AXIN1: variants seen among roughly 807,000 people sequenced by gnomAD.
AXIN1 encodes axin 1, also known as axin-1.
AXIN1 carries 30 observed loss-of-function variants against 76.4 expected under a neutral mutation model. The observed-to-expected ratio is 0.39, with a 90% CI of 0.29 to 0.53. The LOEUF (loss-of-function observed/expected upper bound fraction) is 0.53. Ranked by LOEUF, AXIN1 falls within the 20% of genes least tolerant of loss-of-function variation. The probability of loss-of-function intolerance (pLI) is 0.66; values close to 1 mark genes in which losing one functional copy is unlikely to be tolerated. For missense variants in AXIN1, 1,140 were observed against 1,198.8 expected (o/e 0.95, Z 0.72); for synonymous variants, 545 against 501.4 (o/e 1.09, Z -1.16).
chr16:289,706 C>G, intron 9 of AXIN1, 99 bp from the exon 10 acceptor site: 1 of 1,498,398 alleles, frequency 6.7e-7, no homozygotes, highest in Non-Finnish European at 9.1e-7. Context: ...CGGGGCAGGC[C>G]TGCAGGGGTG....
intron 3 of AXIN1, among the ~76,000 whole-genome samples, chr16:312,352 G>A (rs1056031972): frequency 1.3e-5 from 2 of 152,182 alleles, no homozygotes; most frequent in African/African-American, 4.8e-5. Flanking sequence ...TACAAACCAA[G>A]ATGAACAGAA....
rs766651734 is a variant in AXIN1 at position 346,234 on chromosome 16, G to T, written c.792C>A (p.Pro264=). 1.2e-6 allele frequency: 2 copies of T among 1,614,050 alleles called. No individual in the cohort carries two copies. The highest frequency in any genetic ancestry group is 1.7e-6 in the Non-Finnish European group (2 of 1,180,032). Residue 264 remains proline (P), a synonymous_variant, in exon 2 of 11, where the codon CCC becomes CCA. Transcript: ENST00000262320. The part of the protein sequence containing the change: ...DEDDGRDAAP[P]GRLPQKLLLE... ...GGAGCAGCTTCTGAGGGAGTCTTCCGGGGGGAGCAGCGTCTCTGCCATCGT... is the reference window on the plus strand; with the variant it reads ...GGAGCAGCTTCTGAGGGAGTCTTCCTGGGGGAGCAGCGTCTCTGCCATCGT...
At chr16:349,933 G>T (rs2141719309) in intron 1 of AXIN1, among the ~76,000 whole-genome samples, 1 of 152,258 alleles carries the variant, frequency 6.6e-6, no homozygotes, top group East Asian at 1.9e-4. Flanking sequence ...CAAGTGGCGG[G>T]GACTACAGGC....
chr16:287,935 G>A lies in AXIN1; in HGVS notation c.*187C>T, dbSNP rs2052429829. The A allele has an allele frequency of 5.3e-6, 5 of 947,312 alleles. No individual in the cohort carries two copies. The highest frequency in any genetic ancestry group is 8.2e-6 in the Non-Finnish European group (5 of 608,910). 58.7% of individuals were successfully genotyped at this position (947,312 alleles called of 1,614,324 possible). On this transcript the variant is annotated 3_prime_UTR_variant, in exon 11 of 11. Transcript: ENST00000262320. ...GGTCCAGGCTGCCTCCTTGGGGGCA[G>A]GACAGAAGCTTGTGGACCACTTGGA...
At chr16:347,451 G>A (rs2141712784) in intron 1 of AXIN1, among the ~76,000 whole-genome samples, 1 of 152,336 alleles carries the variant, frequency 6.6e-6, no homozygotes, top group East Asian at 1.9e-4. Flanking sequence ...GGGAAGGCAG[G>A]AAGACCGGAG....
At chr16:325,346 G>A (rs936040747) in intron 2 of AXIN1, among the ~76,000 whole-genome samples, 1 of 152,216 alleles carries the variant, frequency 6.6e-6, no homozygotes, top group South Asian at 2.1e-4. Context: ...TTTCTTCACT[G>A]GCACAGGATC....
chr16:320,743 A>ATATATATTTTTTT (rs397722732), intron 2 of AXIN1, among the ~76,000 whole-genome samples: 25 of 107,618 alleles, frequency 2.3e-4, no homozygotes, highest in Admixed American at 1.5e-3. Flanking sequence ...ATATATATAT[A>ATATATATTTTTTT]TTTTTTTTTT....
rs147430681 is a variant in AXIN1 at position 303,883 on chromosome 16, A to G, written c.1254+421T>C. Among the ~76,000 whole-genome samples the G allele has an allele frequency of 4.9e-3, 741 of 152,342 alleles. 8 individuals carry two copies. The highest frequency in any genetic ancestry group is 0.016 in the African/African-American group (677 of 41,592). Reference sequence around the variant, plus strand: ...TGACCAGGAGGTGGCAGAAAGTCTCAGGCATCGCAGCCCCCGACTGCACGC... The same window carrying G: ...TGACCAGGAGGTGGCAGAAAGTCTCGGGCATCGCAGCCCCCGACTGCACGC... On this transcript the variant is annotated intron_variant, in intron 5 of 10. Coordinates refer to ENST00000262320, the MANE Select transcript of AXIN1 (RefSeq NM_003502.4).
intron 3 of AXIN1, among the ~76,000 whole-genome samples, chr16:312,296 C>T (rs200514269): frequency 6.6e-6 from 1 of 152,244 alleles, no homozygotes; most frequent in East Asian, 1.9e-4. Context: ...GATTTGCTTT[C>T]GAGTACGTGT....
intron 2 of AXIN1, among the ~76,000 whole-genome samples, chr16:328,155 G>A (rs2053620037): frequency 6.6e-6 from 1 of 152,226 alleles, no homozygotes; most frequent in African/African-American, 2.4e-5. Context: ...ATTTTGGGAG[G>A]CTGAGGTAGA....
chr16:288,278 G>A, intron 10 of AXIN1, 30 bp from the exon 11 acceptor site: 1 of 1,613,198 alleles, frequency 6.2e-7, no homozygotes, highest in Non-Finnish European at 8.5e-7. Context: ...AGGGCAGTGA[G>A]CAGGCAGCAC....
rs1597138579 is a variant in AXIN1 at position 352,446 on chromosome 16, C to G, written c.-159G>C. The G allele has an allele frequency of 1.3e-5, 13 of 974,472 alleles. No individual in the cohort carries two copies. Among genetic ancestry groups the G allele is most frequent in the Non-Finnish European group, 1.6e-5 (13 of 823,080 alleles). 60.4% of individuals were successfully genotyped at this position (974,472 alleles called of 1,614,324 possible). On this transcript the variant is annotated 5_prime_UTR_variant, in exon 1 of 11. Coordinates refer to ENST00000262320, the MANE Select transcript of AXIN1 (RefSeq NM_003502.4). ...CGGTCCGGGCCCATGCGCTCAGCGGCAGCGCGGCGGGCGGGACCCGGCGGG... is the reference window on the plus strand; with the variant it reads ...CGGTCCGGGCCCATGCGCTCAGCGGGAGCGCGGCGGGCGGGACCCGGCGGG...
At chr16:312,541 C>T (rs904606441) in intron 3 of AXIN1, among the ~76,000 whole-genome samples, 10 of 152,190 alleles carry the variant, frequency 6.6e-5, no homozygotes, top group Non-Finnish European at 1.0e-4. Flanking sequence ...TCAGGCGCTC[C>T]GTGGGCTGCA....
chr16:343,168 A>T (rs1002743048), intron 2 of AXIN1, among the ~76,000 whole-genome samples: 2 of 152,236 alleles, frequency 1.3e-5, no homozygotes, highest in African/African-American at 4.8e-5. Context: ...GTTAGGACCC[A>T]AACTGTGTAG....
At chr16:292,349 CTG>C (rs1301882974) in intron 8 of AXIN1, 1 of 152,290 alleles carries the variant, frequency 6.6e-6, no homozygotes, top group East Asian at 1.9e-4. Flanking sequence ...TTTGAGGTAA[CTG>C]TGACCCTTTC....
intron 4 of AXIN1, among the ~76,000 whole-genome samples, chr16:306,759 G>A (rs1038425954): frequency 6.6e-6 from 1 of 152,234 alleles, no homozygotes; most frequent in Admixed American, 6.5e-5. Flanking sequence ...ATGCCTCAGA[G>A]CTGGGAAAAG....
intron 2 of AXIN1, among the ~76,000 whole-genome samples, chr16:343,401 CTTAAAAATAA>C (rs2053967569): frequency 6.6e-6 from 1 of 152,170 alleles, no homozygotes; most frequent in Non-Finnish European, 1.5e-5. Flanking sequence ...TCAGTCCCAT[CTTAAAAATAA>C]CCAGCCGGGG....
At chr16:348,415 T>C (rs1043159440) in intron 1 of AXIN1, among the ~76,000 whole-genome samples, 1 of 152,210 alleles carries the variant, frequency 6.6e-6, no homozygotes, top group African/African-American at 2.4e-5. Context: ...CACACTGCTG[T>C]CCCTTGTCTA....
intron 2 of AXIN1, among the ~76,000 whole-genome samples, chr16:330,085 G>T (rs2053664731): frequency 7.2e-6 from 1 of 139,284 alleles, no homozygotes; most frequent in African/African-American, 2.8e-5. Context: ...TTTTGAGAGA[G>T]GGTCTCTCTC....
Sources: gnomAD v4.1 joint callset for allele counts (sites outside exome capture counted in the v4.1 genomes callset) on GRCh38, gnomAD v4.1.1 for gene constraint, MANE v1.5 for transcripts, NCBI Gene and HGNC (gene_info 2026-07-23, HGNC 2026-07-21) for gene names.